ADPRHL1: variants seen among roughly 807,000 people sequenced by gnomAD.
ADPRHL1 encodes the protein inactive ADP-ribosyltransferase ARH2.
Under a neutral mutation model 44.1 loss-of-function variants are expected in ADPRHL1, and 43 were observed. The observed-to-expected ratio is 0.98, with a 90% CI of 0.76 to 1.26. The LOEUF is 1.26. Ranked by LOEUF, ADPRHL1 falls within the 50% of genes most tolerant of loss-of-function variation. The probability of loss-of-function intolerance (pLI) is 0.00; values close to 1 mark genes in which losing one functional copy is unlikely to be tolerated. For synonymous variants in ADPRHL1, 878 were observed against 1,017.4 expected, an observed-to-expected ratio of 0.86 and a Z score of 2.61; for missense variants, 2,022 against 2,496.9, an observed-to-expected ratio of 0.81 and a Z score of 4.05.
At chr13:113,451,771 G>T (rs1404896438) in intron 1 of ADPRHL1, among the ~76,000 whole-genome samples, 1 of 152,156 alleles carries the variant, frequency 6.6e-6, no homozygotes, top group Non-Finnish European at 1.5e-5. Flanking sequence ...TCACGCCACT[G>T]CACTCCAGCC....
chr13:113,416,027 G>A (rs943011898), intron 7 of ADPRHL1, among the ~76,000 whole-genome samples: 18 of 152,018 alleles, frequency 1.2e-4, no homozygotes, highest in African/African-American at 3.4e-4. Context: ...TGGGGTGGCC[G>A]AGAGTGGCCC....
rs2043795500 is a variant in ADPRHL1, at chr13:113,404,924, C to T, written c.4358G>A (p.Arg1453Gln). Residue 1453 changes from arginine to glutamine, a missense_variant, in exon 8 of 8, where the codon CGG (arginine) becomes CAG (glutamine). Transcript: ENST00000612156. ...CTCTCCCCACGCCGTGCTCCGCCCC[C>T]GCTCCTCCCAGGGTCCCTGCAGATG... The part of the protein sequence containing the change: ...QQHLQGPWEE[R>Q]GRSTAWGEGT... The T allele has an allele frequency of 8.0e-6, 10 of 1,244,312 alleles. No homozygotes were observed. The highest frequency in any genetic ancestry group is 4.2e-5 in the Admixed American group (1 of 23,922). The allele number at this position is 1,244,312 out of a possible 1,614,324, so 77.1% of individuals were successfully genotyped here. A position where few individuals can be genotyped will look rare whatever the true frequency, so the allele number is the denominator to read the frequency against.
chr13:113,439,497 G>GCC (rs1295945690), intron 2 of ADPRHL1, among the ~76,000 whole-genome samples: 2 of 150,564 alleles, frequency 1.3e-5, no homozygotes, highest in Non-Finnish European at 2.9e-5. Flanking sequence ...CGCCAGGCTG[G>GCC]AGTGCAGTGA....
chr13:113,406,750 A>T lies in ADPRHL1; in HGVS notation c.2532T>A (p.Thr844=), dbSNP rs560285836. ...TTTCATGGACAACTGGAATTTGGAC[A>T]GTTATCCGTGGAGGCTCCGTGGCAG... ...TQPATEPPRI[T]VQIPVVHEMP... Residue 844 remains threonine (T), a synonymous_variant, in exon 8 of 8, where the codon ACT becomes ACA. Transcript: ENST00000612156. The T allele has an allele frequency of 3.2e-6, 4 of 1,231,998 alleles. No individual in the cohort carries two copies. In the East Asian group the frequency reaches 1.3e-4, roughly 39 times the overall value. The allele number at this position is 1,231,998 out of a possible 1,614,324, so 76.3% of individuals were successfully genotyped here. A position where few individuals can be genotyped will look rare whatever the true frequency, so the allele number is the denominator to read the frequency against.
chr13:113,429,117 G>GA (rs1595547299), intron 3 of ADPRHL1, 25 bp from the exon 4 acceptor site: 2 of 1,599,190 alleles, frequency 1.3e-6, no homozygotes, highest in Middle Eastern at 1.7e-4. Context: ...AGAGAGAGGG[G>GA]GCACCATCAC....
At chr13:113,415,481 G>A (rs2043882529) in intron 7 of ADPRHL1, among the ~76,000 whole-genome samples, 1 of 152,186 alleles carries the variant, frequency 6.6e-6, no homozygotes, top group African/African-American at 2.4e-5. Context: ...GGCTGGGTGC[G>A]GTGGCTCATG....
Position 113,408,135 on chromosome 13 carries a change from G to C in ADPRHL1, c.1147C>G (p.Pro383Ala). 1 of 1,232,076 alleles carries C rather than the reference G, an allele frequency of 8.1e-7. No individual in the cohort carries two copies. The highest frequency in any genetic ancestry group is 1.0e-6 in the Non-Finnish European group (1 of 987,992). 76.3% of individuals were successfully genotyped at this position (1,232,076 alleles called of 1,614,324 possible). ...CTGCTGAGGATGGAGTGGGCGGCCG[G>C]GTCACAGGCCAGCTTGCCCATCTTC... ...KKKMGKLACDPAAHSILSSLL... is the reference protein window; with the variant it reads ...KKKMGKLACDAAAHSILSSLL... The change falls in exon 8 of 8, where the codon CCG (proline) becomes GCG (alanine). Residue 383 changes from proline (P) to alanine (A), a missense_variant. Physicochemically the swap from Pro to Ala is conservative, Grantham distance 27. Coordinates refer to ENST00000612156, the MANE Select transcript of ADPRHL1 (RefSeq NM_001394807.1).
chr13:113,429,138 T>G lies in ADPRHL1; in HGVS notation c.506-46A>C, dbSNP rs368103191. The G allele has an allele frequency of 9.4e-4, 1,478 of 1,574,646 alleles. 1 individual carries two copies. The highest frequency in any genetic ancestry group is 1.1e-3 in the Non-Finnish European group (1,332 of 1,160,810). On this transcript the variant is annotated intron_variant, in intron 3 of 7. Coordinates refer to ENST00000612156, the MANE Select transcript of ADPRHL1 (RefSeq NM_001394807.1). ...AGGGGGCACCATCACCTGGGCCGCT[T>G]GGGAGGGCCTGGGGCCGCCCGCCAC...
chr13:113,405,996 G>T lies in ADPRHL1; in HGVS notation c.3286C>A (p.Pro1096Thr). The T allele has an allele frequency of 2.4e-6, 3 of 1,232,100 alleles. No homozygotes were observed. The highest frequency in any genetic ancestry group is 3.0e-6 in the Non-Finnish European group (3 of 988,026). 76.3% of individuals were successfully genotyped at this position (1,232,100 alleles called of 1,614,324 possible). A position where few individuals can be genotyped will look rare whatever the true frequency, so the allele number is the denominator to read the frequency against. The change falls in exon 8 of 8, where the codon CCA becomes ACA. Residue 1096 changes from proline to threonine, a missense_variant. By Grantham distance (38) the Pro-to-Thr change is conservative. Around this residue, in one of 8 missense-constraint regions of ADPRHL1, gnomAD observed 1,221 missense variants for 1,517.8 expected, o/e 0.80. Transcript: ENST00000612156. Reference protein sequence around the residue: ...EITSHDVRENPLSSLNEPPKP... With the variant: ...EITSHDVRENTLSSLNEPPKP... ...GGTGGTTCATTTAATGAGGACAGTGGGTTCTCGCGAACATCATGGCTGGTG... is the reference window on the plus strand; with the variant it reads ...GGTGGTTCATTTAATGAGGACAGTGTGTTCTCGCGAACATCATGGCTGGTG...
chr13:113,447,223 G>A (rs1219456922), intron 1 of ADPRHL1, among the ~76,000 whole-genome samples: 242 of 110,868 alleles, frequency 2.2e-3, no homozygotes, highest in African/African-American at 8.3e-3. Flanking sequence ...GCGTCTACAC[G>A]CACGGTGTTG....
At position 113,407,572 on chromosome 13, in the gene ADPRHL1, C is replaced by T; in HGVS notation, c.1710G>A (p.Leu570=). The T allele has an allele frequency of 1.6e-6, 2 of 1,232,250 alleles. No individual in the cohort carries two copies. Among genetic ancestry groups the T allele is most frequent in the Non-Finnish European group, 2.0e-6 (2 of 988,106 alleles). The allele number at this position is 1,232,250 out of a possible 1,614,324, so 76.3% of individuals were successfully genotyped here. The change falls in exon 8 of 8, where the codon CTG becomes CTA. Residue 570 remains leucine (L), a synonymous_variant. Transcript: ENST00000612156. ...TCCTCTTCTTCCGCTCCTGCGTGTGCAGCCTCAGCGCACTGGCCTCGGAGC... is the reference window on the plus strand; with the variant it reads ...TCCTCTTCTTCCGCTCCTGCGTGTGTAGCCTCAGCGCACTGGCCTCGGAGC... ...CLCSEASALR[L]HTQERKKRNL...
chr13:113,404,553 G>A lies in ADPRHL1; in HGVS notation c.4729C>T (p.Gln1577Ter). ...QAQEPAQGGA[Q>*]GQVQGQAQKW... Reference sequence around the variant, plus strand: ...TGGGCCTGTCCCTGAACCTGTCCCTGGGCCCCACCCTGAGCTGGTTCCTGT... The same window carrying A: ...TGGGCCTGTCCCTGAACCTGTCCCTAGGCCCCACCCTGAGCTGGTTCCTGT... Residue 1577 changes from glutamine (Q) to a stop codon, truncating the protein, a stop_gained, in exon 8 of 8, where the codon CAG (glutamine) becomes TAG (stop). Transcript: ENST00000612156. LOFTEE classifies it low-confidence loss of function (END_TRUNC). 1.5e-6 allele frequency: 2 copies of A among 1,298,438 alleles called. No homozygotes were observed. The highest frequency in any genetic ancestry group is 1.9e-6 in the Non-Finnish European group (2 of 1,028,058). The allele number at this position is 1,298,438 out of a possible 1,614,324, so 80.4% of individuals were successfully genotyped here.
chr13:113,430,463 G>C (rs184431666), intron 3 of ADPRHL1, among the ~76,000 whole-genome samples: 1 of 152,336 alleles, frequency 6.6e-6, no homozygotes, highest in Admixed American at 6.5e-5. Context: ...CAGAGATGCA[G>C]TCGTGTGGGA....
chr13:113,431,817 G>C (rs996169228), intron 3 of ADPRHL1, among the ~76,000 whole-genome samples: 1 of 152,088 alleles, frequency 6.6e-6, no homozygotes, highest in African/African-American at 2.4e-5. Context: ...CCGGGTTCAA[G>C]CGATTCTCCT....
At chr13:113,411,015 G>T (rs895873203) in intron 7 of ADPRHL1, among the ~76,000 whole-genome samples, 7 of 152,228 alleles carry the variant, frequency 4.6e-5, no homozygotes, top group African/African-American at 1.7e-4. Context: ...GACTTTGCAG[G>T]TGAGTCATTC....
At chr13:113,416,059 C>T (rs1464420301) in intron 7 of ADPRHL1, among the ~76,000 whole-genome samples, 1 of 151,700 alleles carries the variant, frequency 6.6e-6, no homozygotes, top group Non-Finnish European at 1.5e-5. Context: ...CAGAGCTGAT[C>T]TGGCCAATCC....
rs945081194 is a variant in ADPRHL1, at chr13:113,409,919, G to A, written c.1062-1699C>T. 12 of 903,504 alleles carry A rather than the reference G, an allele frequency of 1.3e-5. No homozygotes were observed. Among genetic ancestry groups the A allele is most frequent in the Non-Finnish European group, 1.6e-5 (12 of 755,718 alleles). The allele number at this position is 903,504 out of a possible 1,614,324, so 56.0% of individuals were successfully genotyped here. A position where few individuals can be genotyped will look rare whatever the true frequency, so the allele number is the denominator to read the frequency against. The stretch of plus-strand genomic sequence containing the variant: ...AAAAAAAAAAAAAAAGGAAGAAGCT[G>A]AGCAGGCTGAAAAGAGACCGGAAGG... On this transcript the variant is annotated intron_variant, in intron 7 of 7. Coordinates refer to ENST00000612156, the MANE Select transcript of ADPRHL1 (RefSeq NM_001394807.1). This position sits in a 1 kb window ranked among gnomAD's most constrained non-coding sequence, Gnocchi z 4.2.
intron 7 of ADPRHL1, among the ~76,000 whole-genome samples, chr13:113,421,081 TCCCCAGGACATCCCTAC>T (rs2043915855): frequency 1.5e-5 from 1 of 65,288 alleles, no homozygotes; most frequent in Non-Finnish European, 2.9e-5. Flanking sequence ...GACATGCCTA[TCCCCAGGACATCCCTAC>T]CCCCAGGACA....
intron 1 of ADPRHL1, among the ~76,000 whole-genome samples, chr13:113,447,864 A>G (rs2044153559): frequency 6.6e-6 from 1 of 152,190 alleles, no homozygotes; most frequent in Non-Finnish European, 1.5e-5. Flanking sequence ...TGCCCCTCAC[A>G]GTCACCGGCA....
Sources: gnomAD v4.1 joint callset for allele counts (sites outside exome capture counted in the v4.1 genomes callset) on GRCh38, gnomAD v4.1.1 for gene constraint, gnomAD v4.1.1 regional missense constraint, Gnocchi (gnomAD v3.1) non-coding constraint, MANE v1.5 for transcripts, NCBI Gene and HGNC (gene_info 2026-07-23, HGNC 2026-07-21) for gene names.